CSMD1: variants seen among roughly 807,000 people sequenced by gnomAD.
The protein encoded by CSMD1 is CUB and Sushi multiple domains 1, also known as CUB and sushi domain-containing protein 1.
CSMD1 carries 213 observed loss-of-function variants against 417.5 expected under a neutral mutation model. The observed-to-expected ratio is 0.51, with a 90% CI of 0.46 to 0.57. CSMD1 has a LOEUF of 0.57. Among genes scored for constraint, CSMD1 ranks in the 20% least tolerant of loss-of-function variants. The pLI is 0.00. For synonymous variants in CSMD1, 2,862 were observed against 1,736.8 expected, an observed-to-expected ratio of 1.65 and a Z score of -16.11; for missense variants, 6,923 against 4,529.7, an observed-to-expected ratio of 1.53 and a Z score of -15.17.
intron 1 of CSMD1, among the ~76,000 whole-genome samples, chr8:4,651,929 G>T (rs186976432): frequency 6.6e-6 from 1 of 152,272 alleles, no homozygotes; most frequent in Admixed American, 6.5e-5. Flanking sequence ...ATGATTTAGA[G>T]ACCTGATAGG....
chr8:4,527,493 A>T (rs1288831076), intron 2 of CSMD1, among the ~76,000 whole-genome samples: 1 of 152,188 alleles, frequency 6.6e-6, no homozygotes, highest in Non-Finnish European at 1.5e-5. Flanking sequence ...GTGTCAAGAT[A>T]TAAAGAATGA....
chr8:3,098,496 C>T (rs1328805956), intron 46 of CSMD1, among the ~76,000 whole-genome samples: 3 of 152,112 alleles, frequency 2.0e-5, no homozygotes, highest in South Asian at 4.1e-4. Context: ...TTTCATAGAA[C>T]TCTTTAAATA....
At chr8:4,089,343 G>A (rs1434804274) in intron 3 of CSMD1, among the ~76,000 whole-genome samples, 4 of 152,282 alleles carry the variant, frequency 2.6e-5, no homozygotes, top group South Asian at 2.1e-4. Flanking sequence ...CGGTATGGGG[G>A]AAAGCACAGG....
At chr8:3,548,057 G>C (rs532334582) in intron 10 of CSMD1, among the ~76,000 whole-genome samples, 1 of 152,064 alleles carries the variant, frequency 6.6e-6, no homozygotes, top group Non-Finnish European at 1.5e-5. Context: ...ATGAAAGTAG[G>C]ACAGTATTTT....
intron 5 of CSMD1, among the ~76,000 whole-genome samples, chr8:3,764,434 C>T (rs959126472): frequency 6.6e-6 from 1 of 152,116 alleles, no homozygotes; most frequent in Non-Finnish European, 1.5e-5. Context: ...TGTGAGACAC[C>T]TTACTGGGCC....
At chr8:3,660,966 G>C (rs922294216) in intron 7 of CSMD1, among the ~76,000 whole-genome samples, 1 of 152,198 alleles carries the variant, frequency 6.6e-6, no homozygotes, top group African/African-American at 2.4e-5. Context: ...GTGTGAAGCA[G>C]AGGTGAGGGA....
At chr8:3,964,189 C>T (rs1255490770) in intron 5 of CSMD1, among the ~76,000 whole-genome samples, 4 of 152,092 alleles carry the variant, frequency 2.6e-5, no homozygotes, top group Non-Finnish European at 4.4e-5. Flanking sequence ...ACATTAAAGG[C>T]ATTTATTTTT....
At chr8:4,882,043 C>T (rs1406042083) in intron 1 of CSMD1, among the ~76,000 whole-genome samples, 2 of 152,050 alleles carry the variant, frequency 1.3e-5, no homozygotes. Context: ...CAAGTAATCT[C>T]ACTGAATTTC....
intron 37 of CSMD1, 82 bp downstream of exon 37, chr8:3,181,028 A>C: frequency 1.2e-6 from 1 of 833,502 alleles, no homozygotes; most frequent in Non-Finnish European, 2.0e-6. Context: ...TTCACTGTTT[A>C]ATAAGAGCAT....
chr8:3,139,134 G>A (rs1291142921), intron 41 of CSMD1, among the ~76,000 whole-genome samples: 1 of 152,160 alleles, frequency 6.6e-6, no homozygotes, highest in East Asian at 1.9e-4. Context: ...TTCAGTGCCT[G>A]CGTCATTCCC....
At chr8:3,607,945 G>A (rs539224913) in intron 8 of CSMD1, among the ~76,000 whole-genome samples, 75 of 152,210 alleles carry the variant, frequency 4.9e-4, no homozygotes, top group African/African-American at 1.2e-3. Context: ...CAAGGCAGGC[G>A]GATCACTTGA....
At chr8:3,368,862 T>A (rs985275909) in intron 19 of CSMD1, among the ~76,000 whole-genome samples, 1 of 152,178 alleles carries the variant, frequency 6.6e-6, no homozygotes, top group Admixed American at 6.5e-5. Flanking sequence ...TGGGTAAACA[T>A]AAAATACAAG....
At chr8:4,429,399 G>A (rs191038775) in intron 2 of CSMD1, among the ~76,000 whole-genome samples, 536 of 151,894 alleles carry the variant, frequency 3.5e-3, no homozygotes, top group African/African-American at 5.8e-3. Flanking sequence ...AAACTATATC[G>A]GACAAAGAAA....
chr8:3,772,884 G>A (rs920076219), intron 5 of CSMD1, among the ~76,000 whole-genome samples: 1 of 151,968 alleles, frequency 6.6e-6, no homozygotes, highest in African/African-American at 2.4e-5. Flanking sequence ...GGGTGACAAT[G>A]AAAATATCAC....
intron 21 of CSMD1, 30 bp downstream of exon 21, chr8:3,359,122 T>A (rs1029976661): frequency 2.5e-6 from 4 of 1,609,688 alleles, no homozygotes; most frequent in Non-Finnish European, 3.4e-6. Flanking sequence ...CCCCCATGGA[T>A]GAATGAAATG....
At chr8:4,660,679 T>A (rs570080408) in intron 1 of CSMD1, among the ~76,000 whole-genome samples, 1 of 102,684 alleles carries the variant, frequency 9.7e-6, no homozygotes, top group South Asian at 4.1e-4. Context: ...GTAAAGGGAA[T>A]GAAAAGACAA....
intron 1 of CSMD1, among the ~76,000 whole-genome samples, chr8:4,703,228 C>A (rs541932691): frequency 4.6e-5 from 7 of 152,230 alleles, no homozygotes; most frequent in African/African-American, 1.7e-4. Flanking sequence ...ACAGTGTAAA[C>A]CAACGGTTCT....
chr8:4,594,775 T>A (rs988472236), intron 2 of CSMD1, among the ~76,000 whole-genome samples: 19 of 152,164 alleles, frequency 1.2e-4, no homozygotes, highest in Admixed American at 3.9e-4. Context: ...CTCTAAGCTA[T>A]TTTAGGGCAG....
At chr8:3,613,011 C>A (rs1801965431) in intron 8 of CSMD1, among the ~76,000 whole-genome samples, 1 of 151,482 alleles carries the variant, frequency 6.6e-6, no homozygotes, top group East Asian at 1.9e-4. Context: ...TTGAGAAGTT[C>A]AATAATATTG....
Sources: allele counts gnomAD v4.1 joint callset (sites outside exome capture counted in the v4.1 genomes callset), GRCh38; gene constraint gnomAD v4.1.1; transcripts MANE v1.5; gene names NCBI Gene and HGNC (gene_info 2026-07-23, HGNC 2026-07-21).